Variants in PRKN observed in about 807,000 individuals in gnomAD.
PRKN encodes E3 ubiquitin-protein ligase parkin.
Under a neutral mutation model 59.5 loss-of-function variants are expected in PRKN, and 56 were observed. The observed-to-expected ratio is 0.94, with a 90% confidence interval of 0.76 to 1.18. PRKN has a LOEUF of 1.18. PRKN is among the 50% of genes most tolerant of loss of function. PRKN has a pLI of 0.00. For missense variants in PRKN, 657 were observed against 596.4 expected (o/e 1.10, Z -1.06); for synonymous variants, 250 against 222.1 (o/e 1.13, Z -1.12).
chr6:162,082,448 G>A (rs1451300315), intron 4 of PRKN, among the ~76,000 whole-genome samples: 1 of 152,070 alleles, frequency 6.6e-6, no homozygotes, highest in East Asian at 1.9e-4. Flanking sequence ...AGGAAATGTA[G>A]CTGGTTTCAA....
chr6:161,669,271 G>A (rs1170199789), intron 7 of PRKN, among the ~76,000 whole-genome samples: 1 of 152,192 alleles, frequency 6.6e-6, no homozygotes, highest in African/African-American at 2.4e-5. Flanking sequence ...GTAAGATACT[G>A]AGTTTATTAA....
rs187978637 is a variant in PRKN at position 162,447,079 on chromosome 6, T to C, written c.8-3606A>G. ...ACCAATGTCTGTTACACAAGATTTA[T>C]TGAGATTATGGATGTATTAGAAAAT... On this transcript the variant is annotated intron_variant, in intron 1 of 11. Transcript: ENST00000366898. Among the ~76,000 whole-genome samples the C allele has an allele frequency of 1.6e-3, 240 of 152,308 alleles. 1 individual carries two copies. Among genetic ancestry groups the C allele is most frequent in the African/African-American group, 5.3e-3 (222 of 41,588 alleles).
chr6:162,613,926 G>A (rs1198225589), intron 1 of PRKN, among the ~76,000 whole-genome samples: 1 of 152,054 alleles, frequency 6.6e-6, no homozygotes, highest in African/African-American at 2.4e-5. Flanking sequence ...AAAAGAACAG[G>A]TACTGTTGCA....
chr6:162,070,837 T>C (rs1778545410), intron 4 of PRKN, among the ~76,000 whole-genome samples: 1 of 152,092 alleles, frequency 6.6e-6, no homozygotes, highest in Admixed American at 6.5e-5. Context: ...GCTCGCCTAC[T>C]GCTTATCTCC....
intron 7 of PRKN, among the ~76,000 whole-genome samples, chr6:161,731,807 A>G (rs369146951): frequency 3.9e-5 from 6 of 152,358 alleles, no homozygotes; most frequent in African/African-American, 1.4e-4. Context: ...TACAATTAAC[A>G]TGGAAGACAA....
chr6:161,515,833 T>C (rs780139921), intron 9 of PRKN, among the ~76,000 whole-genome samples: 90 of 152,226 alleles, frequency 5.9e-4, no homozygotes, highest in Non-Finnish European at 1.0e-3. Context: ...CACAGTCACC[T>C]AGTATAGCTG....
chr6:161,639,127 A>G (rs1284812101), intron 7 of PRKN, among the ~76,000 whole-genome samples: 1 of 152,130 alleles, frequency 6.6e-6, no homozygotes, highest in East Asian at 1.9e-4. Context: ...CCCTTCCGCC[A>G]TAAGTGTAAG....
rs1252739895 is a variant in PRKN, at chr6:161,451,803, G to A, written c.1084-64926C>T. ...GAATTAGGGGACTGCTTTGGTCTTG[G>A]CAGATTTCCTGGCCAGTCCATGGAA... is the stretch of plus-strand genomic sequence containing the variant. On this transcript the variant is annotated intron_variant, in intron 9 of 11. Coordinates refer to ENST00000366898, the MANE Select transcript of PRKN (RefSeq NM_004562.3). The surrounding 1 kb of genome is among the most constrained non-coding windows in gnomAD (Gnocchi z 5.9). Among the ~76,000 whole-genome samples, 1 of 152,138 alleles carries A rather than the reference G, an allele frequency of 6.6e-6. No homozygotes were observed. The highest frequency in any genetic ancestry group is 1.5e-5 in the Non-Finnish European group (1 of 68,030).
intron 4 of PRKN, among the ~76,000 whole-genome samples, chr6:162,145,634 C>A (rs545493040): frequency 6.6e-6 from 1 of 152,204 alleles, no homozygotes; most frequent in East Asian, 1.9e-4. Context: ...GGTGAAGCAG[C>A]AGCTCAAGGG....
At chr6:162,223,636 C>T (rs1198133063) in intron 3 of PRKN, among the ~76,000 whole-genome samples, 3 of 106,492 alleles carry the variant, frequency 2.8e-5, no homozygotes, top group Non-Finnish European at 5.1e-5. Context: ...CACACACACA[C>T]ACACACACAC....
intron 1 of PRKN, among the ~76,000 whole-genome samples, chr6:162,509,864 C>T (rs1393706906): frequency 3.3e-5 from 5 of 152,258 alleles, no homozygotes; most frequent in East Asian, 1.9e-4. Flanking sequence ...GACTGGATGG[C>T]CCTGCTGTTC....
chr6:162,276,262 T>C (rs555301975), intron 2 of PRKN, among the ~76,000 whole-genome samples: 124 of 152,308 alleles, frequency 8.1e-4, no homozygotes, highest in African/African-American at 2.8e-3. Context: ...GAAAATGAAA[T>C]GATTAGATGT....
intron 1 of PRKN, among the ~76,000 whole-genome samples, chr6:162,469,871 A>T (rs1202934659): frequency 6.6e-6 from 1 of 152,116 alleles, no homozygotes; most frequent in Non-Finnish European, 1.5e-5. Context: ...TTCCCCAAAA[A>T]CCTATGGAAA....
At chr6:161,896,007 T>C (rs1258227962) in intron 6 of PRKN, among the ~76,000 whole-genome samples, 1 of 152,118 alleles carries the variant, frequency 6.6e-6, no homozygotes, top group African/African-American at 2.4e-5. Flanking sequence ...AGAGACCACC[T>C]TGTTATCAGT....
intron 2 of PRKN, among the ~76,000 whole-genome samples, chr6:162,359,079 A>AAAAAAAAAAAAAAAATATATAT (rs57265104): frequency 1.2e-5 from 1 of 83,274 alleles, no homozygotes; most frequent in African/African-American, 7.3e-5. Flanking sequence ...AAAAAAAAAA[A>AAAAAAAAAAAAAAAATATATAT]ATATATATAT....
chr6:161,475,386 T>C lies in PRKN; in HGVS notation c.1083+73468A>G, dbSNP rs1458855807. ...GAAGGAGGGTACTCATTCTCATGCA[T>C]GGTTTATTGTTCCCAGGTAAACTCA... On this transcript the variant is annotated intron_variant, in intron 9 of 11. Transcript: ENST00000366898. The surrounding 1 kb of genome is among the most constrained non-coding windows in gnomAD (Gnocchi z 5.3). Among the ~76,000 whole-genome samples the C allele has an allele frequency of 6.6e-6, 1 of 152,240 alleles. No homozygotes were observed. Among genetic ancestry groups the C allele is most frequent in the Non-Finnish European group, 1.5e-5 (1 of 68,040 alleles).
intron 4 of PRKN, among the ~76,000 whole-genome samples, chr6:162,161,960 A>C (rs1004929256): frequency 1.3e-5 from 2 of 152,228 alleles, no homozygotes; most frequent in Non-Finnish European, 2.9e-5. Flanking sequence ...ATAGGAAAAA[A>C]CAGTACAGTT....
chr6:161,942,509 C>T (rs1779603639), intron 6 of PRKN, among the ~76,000 whole-genome samples: 1 of 151,960 alleles, frequency 6.6e-6, no homozygotes, highest in African/African-American at 2.4e-5. Flanking sequence ...CCAGCTTGGG[C>T]GACAGAGCGA....
At chr6:162,407,090 T>C (rs1788109494) in intron 2 of PRKN, among the ~76,000 whole-genome samples, 1 of 152,132 alleles carries the variant, frequency 6.6e-6, no homozygotes, top group African/African-American at 2.4e-5. Context: ...CCAGGCAGAC[T>C]TTCCCTTGCC....
Sources: gnomAD v4.1 joint callset for allele counts (sites outside exome capture counted in the v4.1 genomes callset) on GRCh38, gnomAD v4.1.1 for gene constraint, Gnocchi (gnomAD v3.1) non-coding constraint, MANE v1.5 for transcripts, NCBI Gene and HGNC (gene_info 2026-07-23, HGNC 2026-07-21) for gene names.